Variants in PPP3R1 observed in about 807,000 individuals in gnomAD.
PPP3R1 encodes the protein protein phosphatase 3 regulatory subunit B, alpha.
In PPP3R1, 5 loss-of-function variants were observed where a neutral mutation model predicts 22.6. The ratio of observed to expected loss-of-function variants is 0.22; its 90% CI spans 0.12 to 0.46. PPP3R1 has a LOEUF of 0.46. Ranked by LOEUF, PPP3R1 falls within the 20% of genes least tolerant of loss-of-function variation. The pLI is 0.99. For missense variants in PPP3R1, 61 were observed against 203.2 expected, an observed-to-expected ratio of 0.30 and a Z score of 4.25; for synonymous variants, 56 against 65.2, an observed-to-expected ratio of 0.86 and a Z score of 0.68.
intron 1 of PPP3R1, among the ~76,000 whole-genome samples, chr2:68,244,800 G>A (rs937639035): frequency 6.6e-5 from 10 of 151,560 alleles, no homozygotes; most frequent in African/African-American, 1.7e-4. Flanking sequence ...TTCAATGTCC[G>A]ATAAGCACCT....
chr2:68,243,574 A>C (rs940699951), intron 1 of PPP3R1, among the ~76,000 whole-genome samples: 9 of 152,326 alleles, frequency 5.9e-5, no homozygotes, highest in African/African-American at 2.2e-4. Context: ...GTTTAATAAG[A>C]TATTAGGTAG....
At chr2:68,226,953 A>C (rs1013575390) in intron 1 of PPP3R1, among the ~76,000 whole-genome samples, 16 of 152,066 alleles carry the variant, frequency 1.1e-4, no homozygotes, top group Non-Finnish European at 2.2e-4. Context: ...AAATAAGCAA[A>C]CAGTACTCTA....
intron 2 of PPP3R1, among the ~76,000 whole-genome samples, chr2:68,201,718 A>G (rs1015858552): frequency 2.6e-5 from 4 of 152,132 alleles, no homozygotes; most frequent in African/African-American, 9.7e-5. Flanking sequence ...ATTTCTGAAA[A>G]TGTCTTTTTT....
intron 1 of PPP3R1, among the ~76,000 whole-genome samples, chr2:68,224,569 C>G (rs971421027): frequency 1.3e-5 from 2 of 151,518 alleles, no homozygotes; most frequent in African/African-American, 4.9e-5. Flanking sequence ...GAAGCTGAGG[C>G]AGGAGAATCA....
At chr2:68,192,073 A>T (rs1443379002) in intron 2 of PPP3R1, among the ~76,000 whole-genome samples, 1 of 152,188 alleles carries the variant, frequency 6.6e-6, no homozygotes, top group Non-Finnish European at 1.5e-5. Flanking sequence ...TTCAAATGTA[A>T]AACTTATTGA....
intron 2 of PPP3R1, among the ~76,000 whole-genome samples, chr2:68,198,281 G>A (rs1021444895): frequency 1.1e-4 from 16 of 143,972 alleles, no homozygotes; most frequent in Middle Eastern, 3.8e-3. Context: ...GTGTATGCAT[G>A]TATGTGTATA....
At chr2:68,198,891 C>A (rs1461720892) in intron 2 of PPP3R1, among the ~76,000 whole-genome samples, 2 of 152,126 alleles carry the variant, frequency 1.3e-5, no homozygotes, top group Non-Finnish European at 2.9e-5. Flanking sequence ...TTACACATAT[C>A]TGGTTAAACT....
chr2:68,206,106 C>A (rs1253932819), intron 2 of PPP3R1, among the ~76,000 whole-genome samples: 1 of 152,196 alleles, frequency 6.6e-6, no homozygotes, highest in African/African-American at 2.4e-5. Context: ...GCGTGAGCCA[C>A]CGCGCCCGGC....
Position 68,241,479 on chromosome 2 carries a change from T to C in PPP3R1, c.3+10646A>G, listed in dbSNP as rs137982559. 1.1e-3 allele frequency among the ~76,000 whole-genome samples: 173 copies of C among 152,280 alleles called. No individual in the cohort carries two copies. The Middle Eastern group carries it at 0.014, about 12-fold the overall frequency. On this transcript the variant is annotated intron_variant, in intron 1 of 5. Coordinates refer to ENST00000234310, the MANE Select transcript of PPP3R1 (RefSeq NM_000945.4). ...CTTATGATATTTGTTCAAGGTCACA[T>C]TGCTAATAAATGGCAGAGCCAGAAT... is the stretch of plus-strand genomic sequence containing the variant.
chr2:68,220,878 G>A (rs1432618235), intron 1 of PPP3R1, among the ~76,000 whole-genome samples: 1 of 152,212 alleles, frequency 6.6e-6, no homozygotes, highest in Admixed American at 6.5e-5. Context: ...AGACTGGTGG[G>A]TGCCAGTTGC....
intron 1 of PPP3R1, among the ~76,000 whole-genome samples, chr2:68,243,841 T>C (rs539998518): frequency 6.6e-6 from 1 of 152,062 alleles, no homozygotes; most frequent in Non-Finnish European, 1.5e-5. Context: ...CATTAAAACT[T>C]TTACGATCAA....
At chr2:68,204,631 T>C (rs529402252) in intron 2 of PPP3R1, among the ~76,000 whole-genome samples, 4 of 152,332 alleles carry the variant, frequency 2.6e-5, no homozygotes, top group Non-Finnish European at 5.9e-5. Context: ...CTCCTGAGGC[T>C]AATATGAGAA....
In PPP3R1 at chr2:68,202,792, ATTTTTTTTT is replaced by A. The variant is rs71395958; in HGVS notation, c.44-14111_44-14103del. ...TAATATATACTAGAGAGTTCAGGGA[ATTTTTTTTT>A]TTTTTTTTTTTTTTTTTTTGAGACG... On this transcript the variant is annotated intron_variant, in intron 2 of 5. Coordinates refer to ENST00000234310, the MANE Select transcript of PPP3R1 (RefSeq NM_000945.4). 1.4e-4 allele frequency among the ~76,000 whole-genome samples: 11 copies of A among 81,226 alleles called. 1 individual carries two copies. Among genetic ancestry groups the A allele is most frequent in the East Asian group, 1.1e-3 (3 of 2,672 alleles). 53.3% of individuals were successfully genotyped at this position (81,226 alleles called of 152,430 possible). A position where few individuals can be genotyped will look rare whatever the true frequency, so the allele number is the denominator to read the frequency against.
intron 1 of PPP3R1, among the ~76,000 whole-genome samples, chr2:68,250,283 A>G (rs1317792293): frequency 6.6e-6 from 1 of 152,176 alleles, no homozygotes; most frequent in Non-Finnish European, 1.5e-5. Flanking sequence ...AGACAAGAAA[A>G]CAGAGTTAAC....
chr2:68,196,616 T>A (rs1674779514), intron 2 of PPP3R1, among the ~76,000 whole-genome samples: 1 of 152,070 alleles, frequency 6.6e-6, no homozygotes, highest in African/African-American at 2.4e-5. Flanking sequence ...AAGTAATGAG[T>A]CTTTTTGGAG....
chr2:68,187,197 A>G, intron 4 of PPP3R1, 58 bp downstream of exon 4: 1 of 1,327,556 alleles, frequency 7.5e-7, no homozygotes, highest in Non-Finnish European at 1.1e-6. Context: ...GCATTCTATA[A>G]TACAGTATGA....
chr2:68,245,693 T>C (rs1401630363), intron 1 of PPP3R1, among the ~76,000 whole-genome samples: 1 of 152,236 alleles, frequency 6.6e-6, no homozygotes, highest in East Asian at 1.9e-4. Context: ...TATAAAGCAG[T>C]ATTCCTTTGT....
chr2:68,241,718 C>G (rs1424635196), intron 1 of PPP3R1, among the ~76,000 whole-genome samples: 1 of 152,054 alleles, frequency 6.6e-6, no homozygotes, highest in African/African-American at 2.4e-5. Flanking sequence ...GAGGCACATG[C>G]CTGTAATCCC....
At chr2:68,250,896 C>G (rs973718670) in intron 1 of PPP3R1, 2 of 152,200 alleles carry the variant, frequency 1.3e-5, no homozygotes, top group African/African-American at 4.8e-5. Context: ...AACAGCATTC[C>G]TCCCTTCAGT....
Sources: gnomAD v4.1 joint callset for allele counts (sites outside exome capture counted in the v4.1 genomes callset) on GRCh38, gnomAD v4.1.1 for gene constraint, MANE v1.5 for transcripts, NCBI Gene and HGNC (gene_info 2026-07-23, HGNC 2026-07-21) for gene names.